E2F4: variants seen among roughly 807,000 people sequenced by gnomAD.
The protein encoded by E2F4 is transcription factor E2F4.
A neutral mutation model predicts 44.5 loss-of-function variants in E2F4; 16 were observed. The observed-to-expected ratio is 0.36, with a 90% CI of 0.24 to 0.55. The LOEUF (loss-of-function observed/expected upper bound fraction) is 0.55, where lower values mean the gene tolerates loss of function less well. Among genes scored for constraint, E2F4 ranks in the 20% least tolerant of loss-of-function variants. The probability of loss-of-function intolerance (pLI) is 0.87; values close to 1 mark genes in which losing one functional copy is unlikely to be tolerated. For missense variants in E2F4, 473 were observed against 522.1 expected, an observed-to-expected ratio of 0.91 and a Z score of 0.92; for synonymous variants, 242 against 207.2, an observed-to-expected ratio of 1.17 and a Z score of -1.44.
chr16:67,192,888 G>C lies in E2F4; in HGVS notation c.245+18G>C, dbSNP rs368101540. On this transcript the variant is annotated intron_variant, in intron 2 of 9. Coordinates refer to ENST00000379378, the MANE Select transcript of E2F4 (RefSeq NM_001950.4). ...CAGTGGAAGTGAGTGGGCATAGTGG[G>C]AGGGTAGTAGAGTCTCCCACCCAGA... The C allele has an allele frequency of 6.3e-6, 10 of 1,597,902 alleles. No individual in the cohort carries two copies. The highest frequency in any genetic ancestry group is 1.7e-5 in the Admixed American group (1 of 57,774).
In E2F4 at chr16:67,198,546, C is replaced by G. The variant is rs1480305998; in HGVS notation, c.*423C>G. ...AACTGGGCACATGCCAGCACCACTT[C>G]TAGCTTCCTTCGCTATCCCCCACCC... On this transcript the variant is annotated 3_prime_UTR_variant, in exon 10 of 10. Coordinates refer to ENST00000379378, the MANE Select transcript of E2F4 (RefSeq NM_001950.4). 5.0e-6 allele frequency: 1 copy of G among 199,230 alleles called. No individual in the cohort carries two copies. Among genetic ancestry groups the G allele is most frequent in the Non-Finnish European group, 1.0e-5 (1 of 96,198 alleles). 12.3% of individuals were successfully genotyped at this position (199,230 alleles called of 1,614,324 possible).
At position 67,192,237 on chromosome 16, in the gene E2F4, G is replaced by T. The variant is rs2032897396; in HGVS notation, c.10G>T (p.Ala4Ser). ...GCGGCGGGCGGGCGCGATGGCGGAG[G>T]CCGGGCCACAGGCGCCGCCGCCCCC... MAEAGPQAPPPPGT... is the reference protein window; with the variant it reads MAESGPQAPPPPGT... Residue 4 changes from alanine to serine, a missense_variant, in exon 1 of 10, where the codon GCC becomes TCC. Ala to Ser is a moderately conservative substitution (Grantham distance 99). Around this residue, in one of 3 missense-constraint regions of E2F4, gnomAD observed 40 missense variants for 30.8 expected, o/e 1.30. Coordinates refer to ENST00000379378, the MANE Select transcript of E2F4 (RefSeq NM_001950.4). 1 of 1,267,078 alleles carries T rather than the reference G, an allele frequency of 7.9e-7. No homozygotes were observed. The highest frequency in any genetic ancestry group is 1.5e-5 in the African/African-American group (1 of 64,704). 78.5% of individuals were successfully genotyped at this position (1,267,078 alleles called of 1,614,324 possible). A position where few individuals can be genotyped will look rare whatever the true frequency, so the allele number is the denominator to read the frequency against.
intron 1 of E2F4, 42 bp from the exon 2 acceptor site, chr16:67,192,719 C>A: frequency 6.4e-7 from 1 of 1,551,138 alleles, no homozygotes; most frequent in Non-Finnish European, 8.8e-7. Context: ...GCTGGGGGTA[C>A]ACCCCAGAGT....
chr16:67,194,520 A>C, intron 5 of E2F4, 61 bp downstream of exon 5: 2 of 1,607,210 alleles, frequency 1.2e-6, no homozygotes, highest in Non-Finnish European at 1.7e-6. Flanking sequence ...GTGGAGCCTG[A>C]TAAGTCCTGG....
intron 4 of E2F4, among the ~76,000 whole-genome samples, 174 bp downstream of exon 4, chr16:67,193,689 G>A (rs1328062316): frequency 6.6e-6 from 1 of 152,196 alleles, no homozygotes; most frequent in Admixed American, 6.5e-5. Flanking sequence ...CCCTGTGGAG[G>A]TCAGCTATAC....
intron 2 of E2F4, 44 bp downstream of exon 2, chr16:67,192,914 A>C (rs2032910127): frequency 6.3e-7 from 1 of 1,580,906 alleles, no homozygotes; most frequent in Non-Finnish European, 8.6e-7. Context: ...CCCACCCAGA[A>C]GTGTCGGGCG....
intron 4 of E2F4, 59 bp downstream of exon 4, chr16:67,193,574 A>G: frequency 6.4e-7 from 1 of 1,560,226 alleles, no homozygotes; most frequent in Non-Finnish European, 8.8e-7. Flanking sequence ...AGTCCTGAGC[A>G]CTGGGCTCAG....
At position 67,198,313 on chromosome 16, in the gene E2F4, G is replaced by A. The variant is rs980519232; in HGVS notation, c.*190G>A. ...TGGCACTTCTGTGCTCGCAGAGCAG[G>A]GGAACAGGACTCAGCCCCCATCACC... is the stretch of plus-strand genomic sequence containing the variant. On this transcript the variant is annotated 3_prime_UTR_variant, in exon 10 of 10. Coordinates refer to ENST00000379378, the MANE Select transcript of E2F4 (RefSeq NM_001950.4). 6.7e-6 allele frequency: 4 copies of A among 601,366 alleles called. No individual in the cohort carries two copies. Among genetic ancestry groups the A allele is most frequent in the Non-Finnish European group, 1.2e-5 (4 of 336,958 alleles). 37.3% of individuals were successfully genotyped at this position (601,366 alleles called of 1,614,324 possible).
At chr16:67,197,717 T>C in intron 8 of E2F4, 71 bp downstream of exon 8, 16 of 1,603,962 alleles carry the variant, frequency 1.0e-5, no homozygotes, top group Non-Finnish European at 1.2e-5. Context: ...GGCTGTTTTC[T>C]TGCCCTTTTG....
At chr16:67,193,270 C>G in intron 3 of E2F4, 100 bp downstream of exon 3, 2 of 1,520,572 alleles carry the variant, frequency 1.3e-6, no homozygotes, top group Non-Finnish European at 1.8e-6. Flanking sequence ...CTTATAGCCA[C>G]TGGCCATGGC....
At chr16:67,196,543 C>T (rs1192895962) in intron 7 of E2F4, among the ~76,000 whole-genome samples, 3 of 152,214 alleles carry the variant, frequency 2.0e-5, no homozygotes, top group Non-Finnish European at 4.4e-5. Context: ...TTCTTGAACT[C>T]TTCCCTGGCG....
rs779113642 is a variant in E2F4, at chr16:67,198,128, C to T, written c.*5C>T. 1.2e-6 allele frequency: 2 copies of T among 1,611,976 alleles called. No homozygotes were observed. Among genetic ancestry groups the T allele is most frequent in the Admixed American group, 3.3e-5 (2 of 60,004 alleles). ...GTGCCTGTTCTCAACCTCTGACTGACAGGGACATGCCCTGTGTGGCTGGGA... is the reference window on the plus strand; with the variant it reads ...GTGCCTGTTCTCAACCTCTGACTGATAGGGACATGCCCTGTGTGGCTGGGA... On this transcript the variant is annotated 3_prime_UTR_variant, in exon 10 of 10. Transcript: ENST00000379378.
chr16:67,196,802 T>TC (rs1452126973), intron 7 of E2F4, among the ~76,000 whole-genome samples: 1 of 152,194 alleles, frequency 6.6e-6, no homozygotes, highest in African/African-American at 2.4e-5. Flanking sequence ...GCCCTAGTTA[T>TC]CCAGGCCTGA....
chr16:67,195,307 CT>C, intron 6 of E2F4, among the ~76,000 whole-genome samples: 1 of 152,248 alleles, frequency 6.6e-6, no homozygotes, highest in East Asian at 1.9e-4. Context: ...AATTCTCGTA[CT>C]TCTAATAGAG....
chr16:67,192,341 C>G lies in E2F4; in HGVS notation c.114C>G (p.Asp38Glu). Residue 38 changes from aspartate (D) to glutamate (E), a missense_variant, in exon 1 of 10, where the codon GAC becomes GAG. Asp to Glu is a conservative substitution (Grantham distance 45). Around this residue, in one of 3 missense-constraint regions of E2F4, gnomAD observed 119 missense variants for 175.6 expected, o/e 0.68. Coordinates refer to ENST00000379378, the MANE Select transcript of E2F4 (RefSeq NM_001950.4). ...TGTCCCTTCTGCAGGAGGCCAAGGA[C>G]GGCGTGCTTGACCTCAAGCTGGTGC... ...KFVSLLQEAK[D>E]GVLDLKLAAD... is the part of the protein sequence containing the mutation. 7.0e-7 allele frequency: 1 copy of G among 1,418,526 alleles called. No individual in the cohort carries two copies. Among genetic ancestry groups the G allele is most frequent in the Non-Finnish European group, 9.2e-7 (1 of 1,083,832 alleles). The allele number at this position is 1,418,526 out of a possible 1,614,324, so 87.9% of individuals were successfully genotyped here.
intron 1 of E2F4, 159 bp downstream of exon 1, chr16:67,192,521 C>A: frequency 8.7e-7 from 1 of 1,144,430 alleles, no homozygotes; most frequent in Non-Finnish European, 1.2e-6. Flanking sequence ...TTCATTCGGC[C>A]GAGGCCATCG....
At chr16:67,192,739 C>T in intron 1 of E2F4, 22 bp from the exon 2 acceptor site, 1 of 1,593,096 alleles carries the variant, frequency 6.3e-7, no homozygotes, top group Non-Finnish European at 8.6e-7. Context: ...TGGGGCTGAG[C>T]ATTCTCCATT....
At position 67,192,379 on chromosome 16, in the gene E2F4, G is replaced by A; in HGVS notation, c.135+17G>A. On this transcript the variant is annotated intron_variant, in intron 1 of 9. Transcript: ENST00000379378. ...CTCAAGCTGGTGCGGCCTGGGCTAA[G>A]GGGAGACAAGGGAGGCTGGTGGACC... 1 of 1,422,836 alleles carries A rather than the reference G, an allele frequency of 7.0e-7. No individual in the cohort carries two copies. Among genetic ancestry groups the A allele is most frequent in the South Asian group, 1.8e-5 (1 of 56,242 alleles). 88.1% of individuals were successfully genotyped at this position (1,422,836 alleles called of 1,614,324 possible).
Position 67,193,069 on chromosome 16 carries a change from A to G in E2F4, c.306A>G (p.Ala102=), listed in dbSNP as rs1250895470. The G allele has an allele frequency of 6.4e-7, 1 of 1,570,438 alleles. No individual in the cohort carries two copies. The highest frequency in any genetic ancestry group is 1.9e-5 in the Admixed American group (1 of 53,028). Reference sequence around the variant, plus strand: ...CTGACAAACTGATTGAGCTCAAGGCAGAGATCGAGGAGCTGCAGCAGCGGG... The same window carrying G: ...CTGACAAACTGATTGAGCTCAAGGCGGAGATCGAGGAGCTGCAGCAGCGGG... ...EIADKLIELK[A]EIEELQQREQ... Residue 102 remains alanine (A), a synonymous_variant, in exon 3 of 10, where the codon GCA becomes GCG. Coordinates refer to ENST00000379378, the MANE Select transcript of E2F4 (RefSeq NM_001950.4).
Sources: allele counts gnomAD v4.1 joint callset (sites outside exome capture counted in the v4.1 genomes callset), GRCh38; gene constraint gnomAD v4.1.1; regional missense constraint gnomAD v4.1.1; transcripts MANE v1.5; gene names NCBI Gene and HGNC (gene_info 2026-07-23, HGNC 2026-07-21).